Variants in TSNARE1 observed in about 807,000 individuals in gnomAD.
TSNARE1 encodes t-SNARE domain containing 1, also known as t-SNARE domain-containing protein 1.
TSNARE1 carries 49 observed loss-of-function variants against 62.0 expected under a neutral mutation model. The ratio of observed to expected loss-of-function variants is 0.79; its 90% CI spans 0.63 to 1.00. The LOEUF (loss-of-function observed/expected upper bound fraction) is 1.00. TSNARE1 is among the 50% of genes least tolerant of loss of function. The pLI is 0.00. For synonymous variants in TSNARE1, 328 were observed against 294.4 expected, an observed-to-expected ratio of 1.11 and a Z score of -1.17; for missense variants, 755 against 700.1, an observed-to-expected ratio of 1.08 and a Z score of -0.88.
chr8:142,334,786 G>A (rs1207075072), intron 4 of TSNARE1, among the ~76,000 whole-genome samples: 2 of 152,212 alleles, frequency 1.3e-5, no homozygotes, highest in Admixed American at 1.3e-4. Context: ...GAAAGACAAT[G>A]GAAGGATGTC....
chr8:142,395,087 G>T (rs867068836), intron 1 of TSNARE1, among the ~76,000 whole-genome samples: 3 of 152,138 alleles, frequency 2.0e-5, no homozygotes, highest in Non-Finnish European at 2.9e-5. Context: ...GGCAGGGAAG[G>T]GGGGCGGCCC....
chr8:142,336,931 AAAGAG>A (rs1382488432), intron 4 of TSNARE1, among the ~76,000 whole-genome samples: 1 of 152,240 alleles, frequency 6.6e-6, no homozygotes, highest in Non-Finnish European at 1.5e-5. Context: ...AGAAGAAATC[AAAGAG>A]AAATTAGGAA....
intron 12 of TSNARE1, chr8:142,273,865 C>G: frequency 2.0e-6 from 2 of 985,360 alleles, no homozygotes; most frequent in Non-Finnish European, 2.4e-6. Context: ...CTGTGATATC[C>G]CAGCGTCCTG....
At chr8:142,385,303 G>A (rs1383190848) in intron 1 of TSNARE1, among the ~76,000 whole-genome samples, 1 of 152,166 alleles carries the variant, frequency 6.6e-6, no homozygotes, top group East Asian at 1.9e-4. Flanking sequence ...AGAAGCCACA[G>A]CTTTGAATAT....
At chr8:142,355,865 C>T (rs749860886) in intron 1 of TSNARE1, among the ~76,000 whole-genome samples, 3 of 152,164 alleles carry the variant, frequency 2.0e-5, no homozygotes, top group Admixed American at 6.5e-5. Flanking sequence ...GCAAGACACC[C>T]GCCTGTGCCA....
intron 12 of TSNARE1, among the ~76,000 whole-genome samples, chr8:142,264,983 AT>A (rs1230685926): frequency 6.6e-6 from 1 of 151,404 alleles, no homozygotes; most frequent in Admixed American, 6.6e-5. Context: ...TTTTTGTTGC[AT>A]TTTTTGCCTT....
intron 12 of TSNARE1, among the ~76,000 whole-genome samples, chr8:142,256,352 T>TCAC (rs1818561776): frequency 1.2e-3 from 1 of 858 alleles, no homozygotes; most frequent in Non-Finnish European, 2.7e-3. Context: ...ATCATCACCA[T>TCAC]CATTATCACC....
intron 11 of TSNARE1, chr8:142,278,059 C>T: frequency 3.0e-6 from 3 of 985,440 alleles, no homozygotes; most frequent in Non-Finnish European, 3.6e-6. Context: ...CTGGCCTGCA[C>T]AGGCCTGAGA....
intron 11 of TSNARE1, chr8:142,278,196 C>G (rs1240152013): frequency 1.0e-6 from 1 of 985,330 alleles, no homozygotes; most frequent in Admixed American, 6.1e-5. Context: ...GCCCCTTGTC[C>G]AAGCCCAGCC....
At chr8:142,305,807 G>A (rs1377001813) in intron 9 of TSNARE1, among the ~76,000 whole-genome samples, 4 of 152,210 alleles carry the variant, frequency 2.6e-5, no homozygotes, top group Non-Finnish European at 5.9e-5. Flanking sequence ...AGACAAAGGC[G>A]GCTTTCTCCT....
In TSNARE1 at chr8:142,345,752, T is replaced by C. The variant is rs1391169939; in HGVS notation, c.229A>G (p.Arg77Gly). The C allele has an allele frequency of 1.9e-6, 3 of 1,607,734 alleles. No homozygotes were observed. Among genetic ancestry groups the C allele is most frequent in the African/African-American group, 2.7e-5 (2 of 74,612 alleles). The change falls in exon 3 of 14, where the codon AGG becomes GGG. Residue 77 changes from arginine (R) to glycine (G), a missense_variant. Coordinates refer to ENST00000524325, the MANE Select transcript of TSNARE1 (RefSeq NM_145003.5). ...PAGTPIVPRA[R>G]KRGPGVAPEG... The stretch of plus-strand genomic sequence containing the variant: ...CGTCTGAGTGAAGTACCTCGCTTCC[T>C]GGCCCTTGGGACAATAGGCGTGCCT...
intron 1 of TSNARE1, among the ~76,000 whole-genome samples, chr8:142,357,952 G>A (rs7817640): frequency 0.25 from 32,399 of 130,728 alleles, 5,228 homozygotes; most frequent in African/African-American, 0.51. Flanking sequence ...TGCAAAGGGC[G>A]GCGGGGTCTG....
chr8:142,338,483 G>GGACCACTGGGCAAGCTGACAGGCTGCCTC (rs1186348258), intron 4 of TSNARE1, among the ~76,000 whole-genome samples: 2 of 147,090 alleles, frequency 1.4e-5, no homozygotes, highest in African/African-American at 5.0e-5. Flanking sequence ...CTGGCTGCCT[G>GGACCACTGGGCAAGCTGACAGGCTGCCTC]GACCACTGGG....
intron 1 of TSNARE1, among the ~76,000 whole-genome samples, chr8:142,359,600 C>T (rs1221817264): frequency 6.6e-6 from 1 of 152,150 alleles, no homozygotes. Context: ...AACCCATTCA[C>T]GGGGGAGCCA....
chr8:142,333,273 G>A (rs12678826), intron 4 of TSNARE1, among the ~76,000 whole-genome samples: 21,423 of 152,178 alleles, frequency 0.14, 2,197 homozygotes, highest in African/African-American at 0.28. Flanking sequence ...GGAAGCACGG[G>A]GGGCCGAGCT....
At chr8:142,268,778 T>TG (rs1819275469) in intron 12 of TSNARE1, among the ~76,000 whole-genome samples, 1 of 151,994 alleles carries the variant, frequency 6.6e-6, no homozygotes. Flanking sequence ...ACAAGCGTGA[T>TG]GGGGGGAGGC....
intron 2 of TSNARE1, 92 bp downstream of exon 2, chr8:142,354,544 TG>T: frequency 1.2e-6 from 1 of 863,336 alleles, no homozygotes; most frequent in Non-Finnish European, 1.8e-6. Flanking sequence ...AGAACAGAAC[TG>T]GTTTCCAGCC....
chr8:142,222,994 T>G (rs796932618), intron 13 of TSNARE1, among the ~76,000 whole-genome samples: 2 of 34,850 alleles, frequency 5.7e-5, no homozygotes, highest in African/African-American at 1.8e-4. Context: ...TCACTCACTC[T>G]CTCATTCACT....
chr8:142,393,851 G>A (rs1019297507), intron 1 of TSNARE1, among the ~76,000 whole-genome samples: 19 of 152,344 alleles, frequency 1.2e-4, no homozygotes, highest in East Asian at 1.2e-3. Flanking sequence ...CTGCTCAACC[G>A]AGACTTCCAG....
Sources: gnomAD v4.1 joint callset for allele counts (sites outside exome capture counted in the v4.1 genomes callset) on GRCh38, gnomAD v4.1.1 for gene constraint, MANE v1.5 for transcripts, NCBI Gene and HGNC (gene_info 2026-07-23, HGNC 2026-07-21) for gene names.